Variants in SPIN1 observed in about 807,000 individuals in gnomAD.
The protein encoded by SPIN1 is spindlin 1, also known as spindlin-1.
Under a neutral mutation model 26.0 loss-of-function variants are expected in SPIN1, and 3 were observed. The ratio of observed to expected loss-of-function variants is 0.12; its 90% CI spans 0.05 to 0.30. The LOEUF is 0.30. Ranked by LOEUF, SPIN1 falls within the 10% of genes least tolerant of loss-of-function variation. SPIN1 has a pLI of 1.00. For missense variants in SPIN1, 126 were observed against 333.4 expected, an observed-to-expected ratio of 0.38 and a Z score of 4.84; for synonymous variants, 101 against 116.5, an observed-to-expected ratio of 0.87 and a Z score of 0.86.
intron 1 of SPIN1, among the ~76,000 whole-genome samples, chr9:88,423,849 T>G (rs1827717312): frequency 6.6e-6 from 1 of 152,070 alleles, no homozygotes; most frequent in South Asian, 2.1e-4. Flanking sequence ...CACTACAACC[T>G]CTGCCTCCTG....
At chr9:88,457,129 T>C (rs1305132374) in intron 3 of SPIN1, among the ~76,000 whole-genome samples, 1 of 152,144 alleles carries the variant, frequency 6.6e-6, no homozygotes, top group Non-Finnish European at 1.5e-5. Context: ...AGGAGGAGAA[T>C]AATCCAGACT....
chr9:88,419,258 T>C (rs1827628699), intron 1 of SPIN1, among the ~76,000 whole-genome samples: 1 of 152,164 alleles, frequency 6.6e-6, no homozygotes, highest in South Asian at 2.1e-4. Context: ...CCCTGACTCA[T>C]TCTGATTTCC....
chr9:88,433,539 G>C (rs373090702), intron 2 of SPIN1, among the ~76,000 whole-genome samples: 4 of 152,180 alleles, frequency 2.6e-5, no homozygotes, highest in African/African-American at 7.2e-5. Context: ...ATGGCAAGCT[G>C]TCTGTGAGGA....
At chr9:88,464,390 T>G (rs1470276302) in intron 4 of SPIN1, among the ~76,000 whole-genome samples, 1 of 152,222 alleles carries the variant, frequency 6.6e-6, no homozygotes, top group African/African-American at 2.4e-5. Context: ...CTTCAGGCAG[T>G]ACATTAGAGT....
chr9:88,443,782 C>T lies in SPIN1; in HGVS notation c.53-5159C>T, dbSNP rs773130853. ...GAGGCTTGTACCCCTGGGTTGTGAC[C>T]TTTGCTTGTACTTCTCAGTTTCCCC... On this transcript the variant is annotated intron_variant, in intron 2 of 5. Coordinates refer to ENST00000375859, the MANE Select transcript of SPIN1 (RefSeq NM_006717.3). Among the ~76,000 whole-genome samples, 17 of 152,248 alleles carry T rather than the reference C, an allele frequency of 1.1e-4. 1 individual carries two copies. Among genetic ancestry groups the T allele is most frequent in the Middle Eastern group, 6.8e-3 (2 of 294 alleles).
chr9:88,442,463 GC>G (rs1828155724), intron 2 of SPIN1, among the ~76,000 whole-genome samples: 2 of 150,152 alleles, frequency 1.3e-5, no homozygotes, highest in Admixed American at 6.6e-5. Context: ...GAATGCAGTG[GC>G]CTGATTTCAG....
intron 1 of SPIN1, among the ~76,000 whole-genome samples, chr9:88,402,804 C>T (rs866858342): frequency 1.3e-5 from 2 of 152,134 alleles, no homozygotes; most frequent in African/African-American, 4.8e-5. Context: ...ATACTGAATT[C>T]TTTTCCTTTG....
At chr9:88,405,915 A>G (rs1384276202) in intron 1 of SPIN1, among the ~76,000 whole-genome samples, 1 of 151,962 alleles carries the variant, frequency 6.6e-6, no homozygotes, top group African/African-American at 2.4e-5. Flanking sequence ...GGCTCACTGC[A>G]ACCTCTGCCT....
intron 2 of SPIN1, among the ~76,000 whole-genome samples, chr9:88,447,831 CA>C (rs1462149204): frequency 1.3e-5 from 2 of 152,130 alleles, no homozygotes; most frequent in African/African-American, 2.4e-5. Flanking sequence ...CACCATTGCC[CA>C]AAAATTGCTT....
rs958805735 is a variant in SPIN1 at position 88,448,374 on chromosome 9, C to T, written c.53-567C>T. ...TTTTTGTTTTTTTTGTTTTTTGAGA[C>T]AAGGTCTTGCTCTGTCACCCAGACT... On this transcript the variant is annotated intron_variant, in intron 2 of 5. Transcript: ENST00000375859. Among the ~76,000 whole-genome samples, 6 of 151,930 alleles carry T rather than the reference C, an allele frequency of 3.9e-5. 1 individual carries two copies.
At chr9:88,461,128 C>CA (rs1828570664) in intron 3 of SPIN1, among the ~76,000 whole-genome samples, 1 of 152,204 alleles carries the variant, frequency 6.6e-6, no homozygotes, top group Non-Finnish European at 1.5e-5. Flanking sequence ...CCACCTCTGT[C>CA]ATACTTTCTG....
intron 2 of SPIN1, among the ~76,000 whole-genome samples, chr9:88,428,134 T>C (rs1330525363): frequency 6.6e-6 from 1 of 152,242 alleles, no homozygotes; most frequent in Non-Finnish European, 1.5e-5. Flanking sequence ...AAAGTTCATA[T>C]ATGTACAGCA....
intron 4 of SPIN1, among the ~76,000 whole-genome samples, chr9:88,466,996 C>G (rs1828682747): frequency 1.3e-5 from 2 of 152,192 alleles, no homozygotes; most frequent in South Asian, 4.1e-4. Context: ...CTTGGACTCC[C>G]AAAGTGCTAG....
At chr9:88,430,106 CT>C (rs1356412339) in intron 2 of SPIN1, among the ~76,000 whole-genome samples, 3 of 152,172 alleles carry the variant, frequency 2.0e-5, no homozygotes, top group Admixed American at 2.0e-4. Context: ...ACCAATGTGT[CT>C]ATTTGCAAAT....
In SPIN1 at chr9:88,399,134, C is replaced by T. The variant is rs997103794; in HGVS notation, c.-159+10596C>T. ...GCAACCTCCGCCTCCTGGGTTCAAG[C>T]GATTCTCCTGCCTCAGCCTCCCGAG... is the stretch of plus-strand genomic sequence containing the variant. On this transcript the variant is annotated intron_variant, in intron 1 of 5. Coordinates refer to ENST00000375859, the MANE Select transcript of SPIN1 (RefSeq NM_006717.3). 2.0e-5 allele frequency among the ~76,000 whole-genome samples: 3 copies of T among 151,536 alleles called. 1 individual carries two copies. The highest frequency in any genetic ancestry group is 4.2e-4 in the South Asian group (2 of 4,776).
intron 1 of SPIN1, chr9:88,411,430 T>G: frequency 2.6e-6 from 4 of 1,557,438 alleles, no homozygotes; most frequent in Non-Finnish European, 3.5e-6. Context: ...TCCTCAGCTG[T>G]TCGGGCTCTT....
At chr9:88,407,763 C>T (rs540323631) in intron 1 of SPIN1, among the ~76,000 whole-genome samples, 4 of 146,320 alleles carry the variant, frequency 2.7e-5, no homozygotes, top group Non-Finnish European at 4.5e-5. Context: ...GAATCTCTCT[C>T]TCTTTTTTTT....
intron 1 of SPIN1, among the ~76,000 whole-genome samples, chr9:88,396,767 T>TA (rs1443135578): frequency 6.6e-6 from 1 of 152,136 alleles, no homozygotes; most frequent in Non-Finnish European, 1.5e-5. Context: ...AGAGTATACT[T>TA]ACACAAACCT....
intron 2 of SPIN1, among the ~76,000 whole-genome samples, chr9:88,432,830 C>A (rs974357790): frequency 6.6e-6 from 1 of 151,704 alleles, no homozygotes; most frequent in Non-Finnish European, 1.5e-5. Flanking sequence ...TTATATTTTC[C>A]CACGTTTTCT....
Sources: gnomAD v4.1 joint callset for allele counts (sites outside exome capture counted in the v4.1 genomes callset) on GRCh38, gnomAD v4.1.1 for gene constraint, MANE v1.5 for transcripts, NCBI Gene and HGNC (gene_info 2026-07-23, HGNC 2026-07-21) for gene names.